Variants in LYPD6B observed in about 807,000 individuals in gnomAD.
The protein encoded by LYPD6B is ly6/PLAUR domain-containing protein 6B.
LYPD6B carries 17 observed loss-of-function variants against 22.8 expected under a neutral mutation model. That is an observed-to-expected ratio of 0.75 (90% CI 0.51 to 1.12). LYPD6B has a LOEUF of 1.12. Ranked by LOEUF, LYPD6B falls within the 50% of genes most tolerant of loss-of-function variation. The pLI, the probability that LYPD6B is intolerant of heterozygous loss-of-function variation, is 0.00. For synonymous variants in LYPD6B, 106 were observed against 91.6 expected (o/e 1.16, Z -0.90); for missense variants, 221 against 258.3 (o/e 0.86, Z 0.99).
chr2:149,075,996 A>G lies in LYPD6B; in HGVS notation c.-67+37195A>G, dbSNP rs374527871. On this transcript the variant is annotated intron_variant, in intron 1 of 6. Transcript: ENST00000409642. The stretch of plus-strand genomic sequence containing the variant: ...TGAGGCAGGAGGCTGACGGAGTTTG[A>G]GGCCAATCTAGGAGAGAGGGAGGAT... Among the ~76,000 whole-genome samples the G allele has an allele frequency of 4.2e-4, 64 of 152,326 alleles. 1 individual carries two copies. Among genetic ancestry groups the G allele is most frequent in the East Asian group, 4.0e-3 (21 of 5,188 alleles).
intron 3 of LYPD6B, among the ~76,000 whole-genome samples, chr2:149,202,474 T>C (rs1693226388): frequency 6.6e-6 from 1 of 152,206 alleles, no homozygotes; most frequent in Non-Finnish European, 1.5e-5. Context: ...TTAATTTACC[T>C]GTTCGAATGT....
chr2:149,087,206 A>T (rs1300071155), intron 1 of LYPD6B, among the ~76,000 whole-genome samples: 1 of 152,190 alleles, frequency 6.6e-6, no homozygotes, highest in Admixed American at 6.5e-5. Context: ...CAAGTTTCCT[A>T]AACAGTGCTC....
chr2:149,046,742 T>G (rs1346799021), intron 1 of LYPD6B, among the ~76,000 whole-genome samples: 1 of 152,204 alleles, frequency 6.6e-6, no homozygotes, highest in African/African-American at 2.4e-5. Flanking sequence ...TCAAGTAGTA[T>G]TATACTGTTT....
chr2:149,186,237 AG>A, intron 3 of LYPD6B, among the ~76,000 whole-genome samples: 1 of 152,374 alleles, frequency 6.6e-6, no homozygotes, highest in South Asian at 2.1e-4. Context: ...GGAAATTAAA[AG>A]TGCTACTCCA....
At chr2:149,062,162 T>C (rs1363024927) in intron 1 of LYPD6B, among the ~76,000 whole-genome samples, 1 of 152,000 alleles carries the variant, frequency 6.6e-6, no homozygotes, top group Non-Finnish European at 1.5e-5. Flanking sequence ...TAATTTTGTA[T>C]TTTTAGTAGA....
intron 1 of LYPD6B, among the ~76,000 whole-genome samples, chr2:149,092,484 A>G (rs1685702041): frequency 1.3e-5 from 2 of 152,174 alleles, no homozygotes; most frequent in Admixed American, 6.6e-5. Context: ...TTCACATCTG[A>G]GACAGAGATT....
intron 3 of LYPD6B, 56 bp from the exon 4 acceptor site, chr2:149,205,197 C>G (rs1693427942): frequency 5.8e-6 from 9 of 1,546,218 alleles, no homozygotes; most frequent in Non-Finnish European, 7.0e-6. Flanking sequence ...AAGCAAAACA[C>G]AAACCCACTG....
intron 1 of LYPD6B, among the ~76,000 whole-genome samples, chr2:149,076,811 A>C (rs1385720031): frequency 1.3e-5 from 2 of 152,214 alleles, no homozygotes; most frequent in African/African-American, 4.8e-5. Flanking sequence ...TTGAAAGTGG[A>C]TGGAAAACTT....
At chr2:149,078,971 C>T (rs1276500426) in intron 1 of LYPD6B, among the ~76,000 whole-genome samples, 4 of 150,284 alleles carry the variant, frequency 2.7e-5, no homozygotes, top group African/African-American at 7.4e-5. Flanking sequence ...CATGCCACTG[C>T]ACTCCAGCCT....
At chr2:149,083,341 A>G (rs1007802237) in intron 1 of LYPD6B, among the ~76,000 whole-genome samples, 1 of 152,238 alleles carries the variant, frequency 6.6e-6, no homozygotes, top group Non-Finnish European at 1.5e-5. Flanking sequence ...AAGAAAGTTT[A>G]CAATGATTCT....
At chr2:149,063,157 G>C (rs1259454695) in intron 1 of LYPD6B, among the ~76,000 whole-genome samples, 1 of 152,156 alleles carries the variant, frequency 6.6e-6, no homozygotes, top group African/African-American at 2.4e-5. Context: ...TGTCAGGTTT[G>C]TAATATATCT....
intron 2 of LYPD6B, chr2:149,131,313 T>A (rs1451832591): frequency 9.0e-6 from 2 of 222,778 alleles, no homozygotes; most frequent in Non-Finnish European, 1.7e-5. Context: ...TGGCTTTGAG[T>A]CCTAATCTTG....
chr2:149,131,008 A>T, intron 2 of LYPD6B, 55 bp downstream of exon 2: 4 of 1,257,848 alleles, frequency 3.2e-6, no homozygotes, highest in South Asian at 2.4e-5. Context: ...TTAACTATAA[A>T]TGCTTACCAC....
intron 3 of LYPD6B, among the ~76,000 whole-genome samples, chr2:149,162,555 C>T (rs1446943765): frequency 6.6e-6 from 1 of 152,154 alleles, no homozygotes; most frequent in African/African-American, 2.4e-5. Context: ...TGTTGACACT[C>T]TAGCTATCTC....
intron 1 of LYPD6B, among the ~76,000 whole-genome samples, chr2:149,099,046 G>T (rs372574988): frequency 2.6e-5 from 4 of 152,214 alleles, no homozygotes; most frequent in African/African-American, 9.6e-5. Flanking sequence ...AAGGTCTACT[G>T]CCCATTCTTA....
At chr2:149,118,300 C>A (rs1687105234) in intron 1 of LYPD6B, 1 of 152,148 alleles carries the variant, frequency 6.6e-6, no homozygotes, top group African/African-American at 2.4e-5. Context: ...GAGATGTTTT[C>A]TTGGGTTTGA....
At chr2:149,202,070 C>T (rs866944157) in intron 3 of LYPD6B, among the ~76,000 whole-genome samples, 2 of 152,170 alleles carry the variant, frequency 1.3e-5, no homozygotes, top group East Asian at 1.9e-4. Context: ...AGTTGTCTAT[C>T]ATTTATTCTT....
At chr2:149,195,149 C>T (rs1281766640) in intron 3 of LYPD6B, among the ~76,000 whole-genome samples, 1 of 152,154 alleles carries the variant, frequency 6.6e-6, no homozygotes, top group East Asian at 1.9e-4. Flanking sequence ...TATCTGCAAG[C>T]GTATGAGGTC....
chr2:149,147,358 G>A (rs1018226121), intron 2 of LYPD6B, among the ~76,000 whole-genome samples: 2 of 152,206 alleles, frequency 1.3e-5, no homozygotes, highest in East Asian at 3.8e-4. Flanking sequence ...GGGTATCTCT[G>A]AAGGACAGGC....
Sources: gnomAD v4.1 joint callset for allele counts (sites outside exome capture counted in the v4.1 genomes callset) on GRCh38, gnomAD v4.1.1 for gene constraint, MANE v1.5 for transcripts, NCBI Gene and HGNC (gene_info 2026-07-23, HGNC 2026-07-21) for gene names.